The following PAK5 variants were observed in gnomAD, a reference collection of about 807,000 sequenced individuals.
The protein encoded by PAK5 is serine/threonine-protein kinase PAK 5.
PAK5 carries 16 observed loss-of-function variants against 65.9 expected under a neutral mutation model. That is an observed-to-expected ratio of 0.24 (90% CI 0.16 to 0.37). PAK5 has a LOEUF of 0.37. PAK5 is among the 10% of genes least tolerant of loss of function. The pLI is 1.00. For synonymous variants in PAK5, 371 were observed against 354.9 expected (o/e 1.05, Z -0.51); for missense variants, 785 against 903.9 (o/e 0.87, Z 1.69).
intron 1 of PAK5, among the ~76,000 whole-genome samples, chr20:9,772,446 G>T (rs1266020050): frequency 8.1e-6 from 1 of 124,034 alleles, no homozygotes; most frequent in Non-Finnish European, 1.7e-5. Flanking sequence ...GAATATCCCC[G>T]CTAGGGGATG....
At chr20:9,613,831 C>A (rs1568999296) in intron 3 of PAK5, among the ~76,000 whole-genome samples, 1 of 152,126 alleles carries the variant, frequency 6.6e-6, no homozygotes, top group Non-Finnish European at 1.5e-5. Context: ...GTCCTAATCA[C>A]AGGTCTACAC....
chr20:9,618,103 T>C (rs1432466989), intron 3 of PAK5, among the ~76,000 whole-genome samples: 2 of 151,988 alleles, frequency 1.3e-5, no homozygotes, highest in Non-Finnish European at 2.9e-5. Flanking sequence ...ATGTGACAAA[T>C]AGGCTTGTAA....
At chr20:9,655,791 C>G (rs1365070452) in intron 2 of PAK5, among the ~76,000 whole-genome samples, 1 of 152,064 alleles carries the variant, frequency 6.6e-6, no homozygotes, top group Non-Finnish European at 1.5e-5. Context: ...TTTATTCTCA[C>G]TTCTGGAGGC....
intron 1 of PAK5, among the ~76,000 whole-genome samples, chr20:9,806,470 A>G (rs1044338499): frequency 6.6e-6 from 1 of 152,194 alleles, no homozygotes; most frequent in Non-Finnish European, 1.5e-5. Flanking sequence ...ACCCTCCCAG[A>G]ACCAGGGACA....
chr20:9,816,941 C>T (rs372540583), intron 1 of PAK5, among the ~76,000 whole-genome samples: 1 of 151,968 alleles, frequency 6.6e-6, no homozygotes, highest in South Asian at 2.1e-4. Flanking sequence ...ACTGCTGAGA[C>T]CTGGTATTTA....
At chr20:9,668,955 G>A (rs760091965) in intron 2 of PAK5, among the ~76,000 whole-genome samples, 10 of 152,168 alleles carry the variant, frequency 6.6e-5, no homozygotes, top group Non-Finnish European at 1.5e-4. Context: ...TGGCATATTC[G>A]AGAGATCTTT....
chr20:9,640,570 C>A (rs927425166), intron 3 of PAK5, among the ~76,000 whole-genome samples: 7 of 152,102 alleles, frequency 4.6e-5, no homozygotes, highest in Non-Finnish European at 7.3e-5. Flanking sequence ...CCTTTTGTGT[C>A]CAGAATTGGT....
Position 9,599,920 on chromosome 20 carries a change from T to C in PAK5, c.205-18990A>G, listed in dbSNP as rs980213476. Reference sequence around the variant, plus strand: ...TTTTGGTGTAATTTTCAAGGAATTATTACTAAATCCAATGTCATGAAGCTT... The same window carrying C: ...TTTTGGTGTAATTTTCAAGGAATTACTACTAAATCCAATGTCATGAAGCTT... On this transcript the variant is annotated intron_variant, in intron 3 of 9. Coordinates refer to ENST00000353224, the MANE Select transcript of PAK5 (RefSeq NM_177990.4). Among the ~76,000 whole-genome samples the C allele has an allele frequency of 2.6e-5, 4 of 152,214 alleles. No individual in the cohort carries two copies. The East Asian group carries it at 7.7e-4, about 29-fold the overall frequency.
At chr20:9,813,637 G>T (rs574995291) in intron 1 of PAK5, among the ~76,000 whole-genome samples, 1 of 152,096 alleles carries the variant, frequency 6.6e-6, no homozygotes, top group South Asian at 2.1e-4. Flanking sequence ...TTCATACAGT[G>T]GAATGCTATA....
At chr20:9,641,629 G>C (rs1427725672) in intron 3 of PAK5, among the ~76,000 whole-genome samples, 2 of 152,170 alleles carry the variant, frequency 1.3e-5, no homozygotes, top group Non-Finnish European at 2.9e-5. Context: ...ACTGGGCGCT[G>C]TGGAGCAGGG....
intron 3 of PAK5, among the ~76,000 whole-genome samples, chr20:9,628,027 A>T (rs2123215338): frequency 1.3e-5 from 2 of 152,378 alleles, no homozygotes; most frequent in South Asian, 4.1e-4. Flanking sequence ...TGATGAAGAC[A>T]TACATGTATA....
At chr20:9,723,414 T>G (rs1011321062) in intron 1 of PAK5, among the ~76,000 whole-genome samples, 1 of 152,176 alleles carries the variant, frequency 6.6e-6, no homozygotes, top group African/African-American at 2.4e-5. Context: ...GATTTAAATG[T>G]GTTGGTTAGA....
At chr20:9,568,903 A>C (rs2045728289) in intron 4 of PAK5, among the ~76,000 whole-genome samples, 1 of 152,186 alleles carries the variant, frequency 6.6e-6, no homozygotes, top group Non-Finnish European at 1.5e-5. Flanking sequence ...ACTCCTGCTA[A>C]GAGCTAGCTA....
chr20:9,537,985 G>A lies in PAK5; in HGVS notation c.*1477C>T, dbSNP rs1418792878. The A allele has an allele frequency of 4.3e-6, 1 of 231,828 alleles. No homozygotes were observed. The highest frequency in any genetic ancestry group is 8.5e-6 in the Non-Finnish European group (1 of 117,082). 14.4% of individuals were successfully genotyped at this position (231,828 alleles called of 1,614,324 possible). On this transcript the variant is annotated 3_prime_UTR_variant, in exon 10 of 10. Coordinates refer to ENST00000353224, the MANE Select transcript of PAK5 (RefSeq NM_177990.4). ...CAAATTTAAATTCATATTTGTTACAGTATGTGAAATAGTTAAGAAAAGCCT... is the reference window on the plus strand; with the variant it reads ...CAAATTTAAATTCATATTTGTTACAATATGTGAAATAGTTAAGAAAAGCCT...
chr20:9,700,069 C>T (rs1460661881), intron 2 of PAK5, among the ~76,000 whole-genome samples: 2 of 152,070 alleles, frequency 1.3e-5, no homozygotes, highest in African/African-American at 4.8e-5. Context: ...GGGAGTCCAG[C>T]CTCTTTTGCT....
At chr20:9,755,443 T>C (rs2048623023) in intron 1 of PAK5, among the ~76,000 whole-genome samples, 2 of 152,184 alleles carry the variant, frequency 1.3e-5, no homozygotes, top group African/African-American at 4.8e-5. Flanking sequence ...AAATGCCTCA[T>C]AGGGCTCCAC....
chr20:9,786,924 A>T (rs544762909), intron 1 of PAK5, among the ~76,000 whole-genome samples: 1 of 152,144 alleles, frequency 6.6e-6, no homozygotes, highest in Non-Finnish European at 1.5e-5. Context: ...TTTAAACTGC[A>T]TTGCACTGTG....
At chr20:9,709,201 A>C in intron 2 of PAK5, among the ~76,000 whole-genome samples, 1 of 152,138 alleles carries the variant, frequency 6.6e-6, no homozygotes, top group East Asian at 1.9e-4. Flanking sequence ...CTAATCACAG[A>C]ATGGCGTATG....
chr20:9,785,013 A>G (rs2048978311), intron 1 of PAK5, among the ~76,000 whole-genome samples: 1 of 152,006 alleles, frequency 6.6e-6, no homozygotes, highest in Non-Finnish European at 1.5e-5. Context: ...GTAAGCCGTC[A>G]TATTATACTA....
Sources: allele counts gnomAD v4.1 joint callset (sites outside exome capture counted in the v4.1 genomes callset), GRCh38; gene constraint gnomAD v4.1.1; transcripts MANE v1.5; gene names NCBI Gene and HGNC (gene_info 2026-07-23, HGNC 2026-07-21).